The following LBH variants were observed in gnomAD, a reference collection of about 807,000 sequenced individuals.
The protein encoded by LBH is LBH regulator of Wnt signaling pathway, also known as protein LBH.
LBH carries 7 observed loss-of-function variants against 12.5 expected under a neutral mutation model. That is an observed-to-expected ratio of 0.56 (90% CI 0.32 to 1.05). The LOEUF (loss-of-function observed/expected upper bound fraction) is 1.05. LBH is among the 50% of genes least tolerant of loss of function. LBH has a pLI of 0.04. For missense variants in LBH, 119 were observed against 138.9 expected (o/e 0.86, Z 0.72); for synonymous variants, 51 against 50.1 (o/e 1.02, Z -0.08).
At chr2:30,248,025 G>C (rs974342430) in intron 2 of LBH, among the ~76,000 whole-genome samples, 2 of 152,256 alleles carry the variant, frequency 1.3e-5, no homozygotes, top group African/African-American at 4.8e-5. Flanking sequence ...GATCTTGGCA[G>C]TTGAGCTTGG....
At position 30,259,396 on chromosome 2, in the gene LBH, G is replaced by A. The variant is rs967146518; in HGVS notation, c.*1775G>A. The A allele has an allele frequency of 6.6e-6, 1 of 152,592 alleles. No homozygotes were observed. The highest frequency in any genetic ancestry group is 2.4e-5 in the African/African-American group (1 of 41,414). The allele number at this position is 152,592 out of a possible 1,614,324, so 9.5% of individuals were successfully genotyped here. On this transcript the variant is annotated 3_prime_UTR_variant, in exon 3 of 3. Coordinates refer to ENST00000395323, the MANE Select transcript of LBH (RefSeq NM_030915.4). ...CCAACTCCTCGCAGAAGTGGGAGAG[G>A]CCGGCAGCCTGCACCGAGAGGGGCT...
chr2:30,232,231 T>TC (rs992119607), intron 1 of LBH: 87 of 286,430 alleles, frequency 3.0e-4, no homozygotes, highest in Non-Finnish European at 5.6e-4. Context: ...TTTGCAGAGC[T>TC]CCGGGGGGGT....
chr2:30,232,207 G>A (rs913722272), intron 1 of LBH: 86 of 1,475,910 alleles, frequency 5.8e-5, no homozygotes, highest in Middle Eastern at 3.9e-4. Flanking sequence ...GGCTGAGCTG[G>A]TGCGGCCGCA....
chr2:30,248,620 C>A (rs1331917608), intron 2 of LBH, among the ~76,000 whole-genome samples: 1 of 152,106 alleles, frequency 6.6e-6, no homozygotes, highest in Non-Finnish European at 1.5e-5. Flanking sequence ...GACAGGGGGC[C>A]AGTCTTCTTT....
intron 1 of LBH, 135 bp downstream of exon 1, chr2:30,231,899 C>A (rs1290301275): frequency 3.1e-6 from 2 of 642,368 alleles, no homozygotes; most frequent in Non-Finnish European, 4.4e-6. Context: ...CGCCCGAGCC[C>A]GTGCAGGAGT....
intron 2 of LBH, among the ~76,000 whole-genome samples, chr2:30,249,274 C>T (rs1170531215): frequency 3.3e-5 from 5 of 152,150 alleles, no homozygotes; most frequent in African/African-American, 1.2e-4. Flanking sequence ...AATTTCTTGC[C>T]TTCACACATT....
rs971089428 is a variant in LBH, at chr2:30,233,479, A to G, written c.27-926A>G. The stretch of plus-strand genomic sequence containing the variant: ...ATACTGTCCCTCAAAAGACTCCCCC[A>G]TATTTTTGTTTTAAACCATGTGCAC... On this transcript the variant is annotated intron_variant, in intron 1 of 2. Transcript: ENST00000395323. 2.6e-5 allele frequency among the ~76,000 whole-genome samples: 4 copies of G among 152,316 alleles called. No individual in the cohort carries two copies. The East Asian group carries it at 5.8e-4, about 22-fold the overall frequency.
At chr2:30,238,660 A>G (rs1424746858) in intron 2 of LBH, among the ~76,000 whole-genome samples, 1 of 152,102 alleles carries the variant, frequency 6.6e-6, no homozygotes, top group African/African-American at 2.4e-5. Flanking sequence ...GTGATGTCCT[A>G]GTGCTTTCTA....
At chr2:30,240,482 C>G (rs1677772896) in intron 2 of LBH, among the ~76,000 whole-genome samples, 1 of 152,156 alleles carries the variant, frequency 6.6e-6, no homozygotes, top group African/African-American at 2.4e-5. Context: ...CGTAGACTTG[C>G]TGGGGGCTTC....
At chr2:30,239,142 A>G (rs1348171438) in intron 2 of LBH, among the ~76,000 whole-genome samples, 1 of 151,992 alleles carries the variant, frequency 6.6e-6, no homozygotes, top group Non-Finnish European at 1.5e-5. Context: ...CTCTCAAAGA[A>G]CAGGCTCAGT....
rs1332957527 is a variant in LBH at position 30,232,504 on chromosome 2, A to G, written c.26+740A>G. On this transcript the variant is annotated intron_variant, in intron 1 of 2. Coordinates refer to ENST00000395323, the MANE Select transcript of LBH (RefSeq NM_030915.4). ...GAGAGGCAGGCCCCTGACTGCTGGG[A>G]CTTCCTTGCTGGCAGTTTCTTCCTT... The G allele has an allele frequency of 1.2e-4, 39 of 329,938 alleles. No homozygotes were observed. The South Asian group carries it at 2.9e-3, about 24-fold the overall frequency. 20.4% of individuals were successfully genotyped at this position (329,938 alleles called of 1,614,324 possible).
intron 2 of LBH, among the ~76,000 whole-genome samples, chr2:30,236,785 G>A (rs149855644): frequency 7.2e-5 from 11 of 152,268 alleles, no homozygotes; most frequent in Non-Finnish European, 1.2e-4. Flanking sequence ...TCCAGGCATC[G>A]ACAGCAACAA....
intron 2 of LBH, among the ~76,000 whole-genome samples, chr2:30,249,372 G>C (rs1277377014): frequency 2.6e-5 from 4 of 152,178 alleles, no homozygotes; most frequent in Non-Finnish European, 5.9e-5. Context: ...TGCTGGTAGA[G>C]ATCTGCCCAT....
intron 1 of LBH, chr2:30,233,038 T>C (rs1444163060): frequency 6.6e-6 from 1 of 152,232 alleles, no homozygotes; most frequent in African/African-American, 2.4e-5. Context: ...CTCCCTTGCC[T>C]CTCCCGTGGT....
chr2:30,249,597 G>A (rs1392055066), intron 2 of LBH, among the ~76,000 whole-genome samples: 2 of 152,202 alleles, frequency 1.3e-5, no homozygotes, highest in Admixed American at 6.5e-5. Context: ...CCCACGCCCT[G>A]GGGAAACAGA....
intron 2 of LBH, among the ~76,000 whole-genome samples, chr2:30,237,551 G>C (rs970515230): frequency 3.9e-5 from 6 of 152,130 alleles, no homozygotes; most frequent in African/African-American, 1.2e-4. Context: ...GCTAAAAGTG[G>C]GTGGTGGTTG....
At position 30,258,039 on chromosome 2, in the gene LBH, G is replaced by T. The variant is rs969678416; in HGVS notation, c.*418G>T. 6.3e-5 allele frequency: 10 copies of T among 157,772 alleles called. No homozygotes were observed. The highest frequency in any genetic ancestry group is 1.3e-4 in the Non-Finnish European group (9 of 71,664). 9.8% of individuals were successfully genotyped at this position (157,772 alleles called of 1,614,324 possible). A position where few individuals can be genotyped will look rare whatever the true frequency, so the allele number is the denominator to read the frequency against. On this transcript the variant is annotated 3_prime_UTR_variant, in exon 3 of 3. Transcript: ENST00000395323. Reference sequence around the variant, plus strand: ...TTTGGGGTAAGAAAACAAACATGAGGCAAAAGAAAAAATACATGTTTTTAA... The same window carrying T: ...TTTGGGGTAAGAAAACAAACATGAGTCAAAAGAAAAAATACATGTTTTTAA...
chr2:30,242,529 C>A (rs1348794336), intron 2 of LBH, among the ~76,000 whole-genome samples: 1 of 152,134 alleles, frequency 6.6e-6, no homozygotes, highest in East Asian at 1.9e-4. Context: ...AGGCGTGAGC[C>A]ACCACGCCCG....
In LBH at chr2:30,231,762, C is replaced by A; in HGVS notation, c.24C>A (p.His8Gln). 1 of 1,571,946 alleles carries A rather than the reference C, an allele frequency of 6.4e-7. No individual in the cohort carries two copies. Among genetic ancestry groups the A allele is most frequent in the Non-Finnish European group, 8.6e-7 (1 of 1,160,888 alleles). Residue 8 changes from histidine to glutamine, a missense_variant and splice_region_variant, in exon 1 of 3, where the codon CAC becomes CAA. Coordinates refer to ENST00000395323, the MANE Select transcript of LBH (RefSeq NM_030915.4). ...TCATGTCTATATATTTCCCCATTCACTGGTGAGTACCCTGCGCCTGCGGCG... is the reference window on the plus strand; with the variant it reads ...TCATGTCTATATATTTCCCCATTCAATGGTGAGTACCCTGCGCCTGCGGCG... MSIYFPI[H>Q]CPDYLRSAKM...
Sources: allele counts gnomAD v4.1 joint callset (sites outside exome capture counted in the v4.1 genomes callset), GRCh38; gene constraint gnomAD v4.1.1; transcripts MANE v1.5; gene names NCBI Gene and HGNC (gene_info 2026-07-23, HGNC 2026-07-21).